Variants in ADAMTSL1 observed in about 807,000 individuals in gnomAD.
The protein encoded by ADAMTSL1 is ADAMTS like 1.
A neutral mutation model predicts 201.8 loss-of-function variants in ADAMTSL1; 126 were observed. The observed-to-expected ratio is 0.62, with a 90% CI of 0.54 to 0.72. The LOEUF is 0.72. Among genes scored for constraint, ADAMTSL1 ranks in the 30% least tolerant of loss-of-function variants. The pLI, the probability that ADAMTSL1 is intolerant of heterozygous loss-of-function variation, is 0.00. For synonymous variants in ADAMTSL1, 1,121 were observed against 903.4 expected (o/e 1.24, Z -4.32); for missense variants, 2,679 against 2,277.8 (o/e 1.18, Z -3.59).
At chr9:18,382,160 A>G (rs148715731) in intron 2 of ADAMTSL1, among the ~76,000 whole-genome samples, 10 of 152,286 alleles carry the variant, frequency 6.6e-5, no homozygotes, top group African/African-American at 2.4e-4. Flanking sequence ...GCCTTGGAAA[A>G]TGAGTGGCTT....
intron 15 of ADAMTSL1, among the ~76,000 whole-genome samples, chr9:18,730,652 A>G (rs1465810541): frequency 1.3e-5 from 2 of 152,190 alleles, no homozygotes; most frequent in African/African-American, 4.8e-5. Context: ...ACACAAGGAA[A>G]CCTAAGGGAA....
chr9:18,532,027 A>G (rs79371034), intron 2 of ADAMTSL1, among the ~76,000 whole-genome samples: 2,773 of 152,308 alleles, frequency 0.018, 66 homozygotes, highest in African/African-American at 0.058. Flanking sequence ...TATACATATA[A>G]CAAACTTATA....
intron 3 of ADAMTSL1, among the ~76,000 whole-genome samples, chr9:18,554,430 T>G (rs999502453): frequency 1.3e-5 from 2 of 151,826 alleles, no homozygotes; most frequent in Non-Finnish European, 2.9e-5. Context: ...TGGTTTACGA[T>G]GTGTACTTCC....
At chr9:18,666,035 A>C (rs1226875718) in intron 9 of ADAMTSL1, among the ~76,000 whole-genome samples, 1 of 152,124 alleles carries the variant, frequency 6.6e-6, no homozygotes, top group Non-Finnish European at 1.5e-5. Flanking sequence ...GCATTGAATA[A>C]TTTGGCATTC....
chr9:18,827,327 A>G (rs1326234345), intron 22 of ADAMTSL1, among the ~76,000 whole-genome samples: 1 of 152,142 alleles, frequency 6.6e-6, no homozygotes, highest in African/African-American at 2.4e-5. Flanking sequence ...ATACATAAAC[A>G]TACATTACAG....
intron 14 of ADAMTSL1, among the ~76,000 whole-genome samples, chr9:18,716,068 C>T (rs892199546): frequency 7.3e-5 from 11 of 150,730 alleles, no homozygotes; most frequent in African/African-American, 2.7e-4. Flanking sequence ...CTTCCTTACA[C>T]CTTATACAAA....
chr9:18,583,991 G>A (rs567584796), intron 4 of ADAMTSL1, among the ~76,000 whole-genome samples: 2 of 152,190 alleles, frequency 1.3e-5, no homozygotes, highest in Non-Finnish European at 2.9e-5. Context: ...CAGATGAGAC[G>A]ATGGACTGTG....
intron 2 of ADAMTSL1, among the ~76,000 whole-genome samples, chr9:18,407,324 A>G (rs925751822): frequency 4.6e-5 from 7 of 152,154 alleles, no homozygotes; most frequent in African/African-American, 1.7e-4. Flanking sequence ...GTGCAGACCC[A>G]AAAGCATGAG....
chr9:18,123,843 C>G (rs1161822208), intron 1 of ADAMTSL1, among the ~76,000 whole-genome samples: 1 of 152,126 alleles, frequency 6.6e-6, no homozygotes, highest in Non-Finnish European at 1.5e-5. Flanking sequence ...GATATAAATG[C>G]AATCATATAA....
At chr9:18,611,328 C>A (rs574519574) in intron 4 of ADAMTSL1, among the ~76,000 whole-genome samples, 1 of 152,222 alleles carries the variant, frequency 6.6e-6, no homozygotes, top group African/African-American at 2.4e-5. Context: ...TCTCCAGACA[C>A]CCTAATTTTG....
At chr9:18,418,527 C>A (rs940320781) in intron 2 of ADAMTSL1, among the ~76,000 whole-genome samples, 5 of 152,126 alleles carry the variant, frequency 3.3e-5, no homozygotes, top group South Asian at 2.1e-4. Flanking sequence ...TAGCAGGATA[C>A]AAGATGATTG....
chr9:18,339,494 A>G (rs1426815589), intron 2 of ADAMTSL1, among the ~76,000 whole-genome samples: 1 of 152,198 alleles, frequency 6.6e-6, no homozygotes, highest in African/African-American at 2.4e-5. Context: ...GAACGCTTAT[A>G]CATTGTTGGT....
chr9:17,980,463 A>G (rs1818641919), intron 1 of ADAMTSL1, among the ~76,000 whole-genome samples: 1 of 151,476 alleles, frequency 6.6e-6, no homozygotes, highest in Non-Finnish European at 1.5e-5. Context: ...TTTAATTTTG[A>G]TTACTAGCTA....
At position 18,910,195 on chromosome 9, in the gene ADAMTSL1, G is replaced by T. The variant is rs1412841639; in HGVS notation, c.*1647G>T. On this transcript the variant is annotated 3_prime_UTR_variant, in exon 29 of 29. Transcript: ENST00000380548. ...CCTAGTGAGCTGTGGACAGGTTTAA[G>T]TTGGGTCTCCTTCTTCTTCACCACA... 1 of 152,146 alleles carries T rather than the reference G, an allele frequency of 6.6e-6. No homozygotes were observed. The highest frequency in any genetic ancestry group is 1.5e-5 in the Non-Finnish European group (1 of 68,034). 9.4% of individuals were successfully genotyped at this position (152,146 alleles called of 1,614,324 possible). A position where few individuals can be genotyped will look rare whatever the true frequency, so the allele number is the denominator to read the frequency against.
chr9:18,690,230 C>T (rs755020650), intron 13 of ADAMTSL1, among the ~76,000 whole-genome samples: 1 of 144,554 alleles, frequency 6.9e-6, no homozygotes, highest in South Asian at 2.1e-4. Context: ...GAAAATAGTA[C>T]TTAAAGATAT....
chr9:18,785,554 G>C lies in ADAMTSL1; in HGVS notation c.3677+7648G>C, dbSNP rs75430688. Reference sequence around the variant, plus strand: ...GATGGCTCAGGCACATGTGTGGTTAGAGACCTAGACCACAGGCAATATGAA... The same window carrying C: ...GATGGCTCAGGCACATGTGTGGTTACAGACCTAGACCACAGGCAATATGAA... On this transcript the variant is annotated intron_variant, in intron 19 of 28. Coordinates refer to ENST00000380548, the MANE Select transcript of ADAMTSL1 (RefSeq NM_001040272.6). Among the ~76,000 whole-genome samples the C allele has an allele frequency of 5.0e-3, 759 of 152,330 alleles. 2 individuals are homozygous for C. The highest frequency in any genetic ancestry group is 0.024 in the South Asian group (115 of 4,824).
chr9:18,542,228 A>T (rs1433159792), intron 3 of ADAMTSL1, among the ~76,000 whole-genome samples: 2 of 152,218 alleles, frequency 1.3e-5, no homozygotes, highest in Non-Finnish European at 2.9e-5. Flanking sequence ...AAAACATTTT[A>T]TACATAATTG....
chr9:18,896,078 A>G (rs907246595), intron 26 of ADAMTSL1, among the ~76,000 whole-genome samples: 1 of 152,222 alleles, frequency 6.6e-6, no homozygotes, highest in African/African-American at 2.4e-5. Flanking sequence ...AACAGAGTCT[A>G]AAAGAGTTGT....
intron 2 of ADAMTSL1, among the ~76,000 whole-genome samples, chr9:18,377,012 C>A (rs1837325218): frequency 6.6e-6 from 1 of 152,158 alleles, no homozygotes; most frequent in African/African-American, 2.4e-5. Flanking sequence ...AGCAGAGCAA[C>A]CAGTTTGTGA....
Sources: gnomAD v4.1 joint callset for allele counts (sites outside exome capture counted in the v4.1 genomes callset) on GRCh38, gnomAD v4.1.1 for gene constraint, MANE v1.5 for transcripts, NCBI Gene and HGNC (gene_info 2026-07-23, HGNC 2026-07-21) for gene names.